Variants in TMEFF2 observed in about 807,000 individuals in gnomAD.
The protein encoded by TMEFF2 is transmembrane protein with EGF like and two follistatin like domains 2.
A neutral mutation model predicts 53.8 loss-of-function variants in TMEFF2; 28 were observed. The ratio of observed to expected loss-of-function variants is 0.52; its 90% confidence interval spans 0.39 to 0.71. TMEFF2 has a LOEUF of 0.71. TMEFF2 is among the 30% of genes least tolerant of loss of function. The probability of loss-of-function intolerance (pLI) is 0.00; values close to 1 mark genes in which losing one functional copy is unlikely to be tolerated. For missense variants in TMEFF2, 353 were observed against 455.2 expected, an observed-to-expected ratio of 0.78 and a Z score of 2.04; for synonymous variants, 162 against 166.3, an observed-to-expected ratio of 0.97 and a Z score of 0.20.
chr2:192,159,220 G>GA (rs1363950489), intron 4 of TMEFF2, among the ~76,000 whole-genome samples: 1 of 152,134 alleles, frequency 6.6e-6, no homozygotes, highest in Non-Finnish European at 1.5e-5. Flanking sequence ...GTAGTTAAGG[G>GA]AAACCCCCAA....
intron 4 of TMEFF2, among the ~76,000 whole-genome samples, chr2:192,064,945 T>C (rs1476653075): frequency 1.3e-5 from 2 of 151,858 alleles, no homozygotes; most frequent in Non-Finnish European, 2.9e-5. Flanking sequence ...TGAGGTCATC[T>C]GTAATTTTAG....
In TMEFF2 at chr2:192,150,567, C is replaced by T. The variant is rs115406562; in HGVS notation, c.439+29101G>A. Reference sequence around the variant, plus strand: ...GGTGCATCCAGGCCCTGCACTACATCCTATGTTCTTTATTCCACTATCAGT... The same window carrying T: ...GGTGCATCCAGGCCCTGCACTACATTCTATGTTCTTTATTCCACTATCAGT... On this transcript the variant is annotated intron_variant, in intron 4 of 9. Coordinates refer to ENST00000272771, the MANE Select transcript of TMEFF2 (RefSeq NM_016192.4). 7.2e-3 allele frequency among the ~76,000 whole-genome samples: 1,088 copies of T among 151,858 alleles called. 4 individuals carry two copies. The highest frequency in any genetic ancestry group is 0.016 in the South Asian group (77 of 4,804).
intron 5 of TMEFF2, chr2:192,036,581 G>T (rs891687105): frequency 6.6e-6 from 1 of 152,120 alleles, no homozygotes; most frequent in Non-Finnish European, 1.5e-5. Flanking sequence ...AACATCTGGA[G>T]GATTCTCAGT....
chr2:192,147,496 A>C (rs1690282527), intron 4 of TMEFF2, among the ~76,000 whole-genome samples: 2 of 151,468 alleles, frequency 1.3e-5, no homozygotes, highest in African/African-American at 2.4e-5. Flanking sequence ...CCACCCCACA[A>C]CAGGCCCCGG....
intron 4 of TMEFF2, among the ~76,000 whole-genome samples, chr2:192,089,060 T>G (rs1331944252): frequency 6.6e-6 from 1 of 152,142 alleles, no homozygotes; most frequent in Non-Finnish European, 1.5e-5. Flanking sequence ...ATTTGTCTGG[T>G]AAGTACACTT....
chr2:192,135,610 C>G (rs1689982276), intron 4 of TMEFF2, among the ~76,000 whole-genome samples: 1 of 151,988 alleles, frequency 6.6e-6, no homozygotes, highest in East Asian at 1.9e-4. Flanking sequence ...TACCACCCCC[C>G]AAAAATTTTC....
At chr2:192,132,973 C>T (rs1689892685) in intron 4 of TMEFF2, among the ~76,000 whole-genome samples, 1 of 152,142 alleles carries the variant, frequency 6.6e-6, no homozygotes, top group Non-Finnish European at 1.5e-5. Context: ...AAAGTAAGTC[C>T]GTCCCCTTAA....
chr2:191,964,484 T>C (rs2105797516), intron 7 of TMEFF2, among the ~76,000 whole-genome samples: 1 of 150,650 alleles, frequency 6.6e-6, no homozygotes, highest in South Asian at 2.1e-4. Context: ...CTCATGAATC[T>C]CAACCCCTCC....
At chr2:192,094,227 T>G (rs1266745250) in intron 4 of TMEFF2, among the ~76,000 whole-genome samples, 2 of 152,204 alleles carry the variant, frequency 1.3e-5, no homozygotes, top group African/African-American at 4.8e-5. Context: ...GAGGGTTGAG[T>G]ACAATTGTGG....
At chr2:192,098,096 G>A (rs1688955979) in intron 4 of TMEFF2, among the ~76,000 whole-genome samples, 1 of 152,076 alleles carries the variant, frequency 6.6e-6, no homozygotes, top group Non-Finnish European at 1.5e-5. Context: ...TTTTGGCTAG[G>A]AAGTGATCTA....
intron 5 of TMEFF2, among the ~76,000 whole-genome samples, chr2:192,012,345 G>T (rs1379511519): frequency 6.6e-6 from 1 of 152,152 alleles, no homozygotes; most frequent in African/African-American, 2.4e-5. Context: ...GATAACTTTT[G>T]TTGTGTCTCT....
chr2:191,953,175 A>C (rs1474579272), intron 9 of TMEFF2, among the ~76,000 whole-genome samples: 1 of 152,200 alleles, frequency 6.6e-6, no homozygotes, highest in Non-Finnish European at 1.5e-5. Context: ...TGTGTCTTTT[A>C]ACCTGATTCT....
At position 192,125,398 on chromosome 2, in the gene TMEFF2, T is replaced by C. The variant is rs550039627; in HGVS notation, c.439+54270A>G. Among the ~76,000 whole-genome samples, 13 of 152,256 alleles carry C rather than the reference T, an allele frequency of 8.5e-5. 1 individual carries two copies. The South Asian group carries it at 2.5e-3, about 29-fold the overall frequency. ...CTATTTCATAATTTTAAAAAACATA[T>C]AGAAATATAAATATCTTTGTATTAT... On this transcript the variant is annotated intron_variant, in intron 4 of 9. Coordinates refer to ENST00000272771, the MANE Select transcript of TMEFF2 (RefSeq NM_016192.4).
intron 5 of TMEFF2, chr2:192,037,998 T>C (rs1559097125): frequency 6.6e-6 from 1 of 152,212 alleles, no homozygotes; most frequent in Non-Finnish European, 1.5e-5. Flanking sequence ...TCCTTCTTTG[T>C]ACAGATGGAG....
intron 5 of TMEFF2, among the ~76,000 whole-genome samples, chr2:192,014,029 A>G (rs958037519): frequency 6.6e-5 from 10 of 152,240 alleles, no homozygotes; most frequent in Non-Finnish European, 1.3e-4. Context: ...CAATTATCAA[A>G]AAGTATTAGT....
At chr2:192,001,192 T>G (rs1686349310) in intron 5 of TMEFF2, among the ~76,000 whole-genome samples, 1 of 152,186 alleles carries the variant, frequency 6.6e-6, no homozygotes, top group South Asian at 2.1e-4. Context: ...AGGAATTATC[T>G]CCTTCAAGGT....
intron 4 of TMEFF2, among the ~76,000 whole-genome samples, chr2:192,110,064 C>T (rs867983683): frequency 6.6e-6 from 1 of 151,688 alleles, no homozygotes; most frequent in South Asian, 2.1e-4. Flanking sequence ...TGAGGAACTC[C>T]AATATTTAAT....
intron 4 of TMEFF2, among the ~76,000 whole-genome samples, chr2:192,147,559 C>T (rs1486349519): frequency 1.3e-5 from 2 of 151,856 alleles, no homozygotes; most frequent in Non-Finnish European, 2.9e-5. Context: ...CAATTCCCAC[C>T]TATGAGTGAG....
chr2:192,075,323 A>ATG lies in TMEFF2; in HGVS notation c.440-17549_440-17548insCA, dbSNP rs1260227928. 7.0e-4 allele frequency among the ~76,000 whole-genome samples: 66 copies of ATG among 93,642 alleles called. 1 individual carries two copies. Among genetic ancestry groups the ATG allele is most frequent in the African/African-American group, 2.4e-3 (62 of 26,204 alleles). 61.4% of individuals were successfully genotyped at this position (93,642 alleles called of 152,430 possible). A position where few individuals can be genotyped will look rare whatever the true frequency, so the allele number is the denominator to read the frequency against. On this transcript the variant is annotated intron_variant, in intron 4 of 9. Coordinates refer to ENST00000272771, the MANE Select transcript of TMEFF2 (RefSeq NM_016192.4). ...TATATATATATATATATATATATAT[A>ATG]TATATATATACATACATACTATGTA...
Sources: gnomAD v4.1 joint callset for allele counts (sites outside exome capture counted in the v4.1 genomes callset) on GRCh38, gnomAD v4.1.1 for gene constraint, MANE v1.5 for transcripts, NCBI Gene and HGNC (gene_info 2026-07-23, HGNC 2026-07-21) for gene names.